KLHL24: variants seen among roughly 807,000 people sequenced by gnomAD.
KLHL24 encodes the protein kelch-like protein 24.
A neutral mutation model predicts 53.4 loss-of-function variants in KLHL24; 29 were observed. The ratio of observed to expected loss-of-function variants is 0.54; its 90% CI spans 0.40 to 0.74. The LOEUF (loss-of-function observed/expected upper bound fraction) is 0.74. Among genes scored for constraint, KLHL24 ranks in the 30% least tolerant of loss-of-function variants. The pLI, the probability that KLHL24 is intolerant of heterozygous loss-of-function variation, is 0.00. For synonymous variants in KLHL24, 222 were observed against 253.7 expected, an observed-to-expected ratio of 0.88 and a Z score of 1.19; for missense variants, 504 against 744.0, an observed-to-expected ratio of 0.68 and a Z score of 3.75.
At chr3:183,671,391 ACT>A (rs1249258038) in intron 6 of KLHL24, among the ~76,000 whole-genome samples, 169 bp downstream of exon 6, 1 of 152,048 alleles carries the variant, frequency 6.6e-6, no homozygotes, top group Non-Finnish European at 1.5e-5. Flanking sequence ...CTAAAGTGAG[ACT>A]CTAGTATATC....
At chr3:183,640,887 A>C (rs1357170057) in intron 1 of KLHL24, among the ~76,000 whole-genome samples, 1 of 151,180 alleles carries the variant, frequency 6.6e-6, no homozygotes. Flanking sequence ...GGCGTGAGCC[A>C]CCTCGGCCAG....
intron 3 of KLHL24, among the ~76,000 whole-genome samples, chr3:183,654,252 G>C (rs1718539813): frequency 6.6e-6 from 1 of 152,008 alleles, no homozygotes; most frequent in African/African-American, 2.4e-5. Context: ...TTCTCCAGTT[G>C]CTCTTTTTCA....
rs570312898 is a variant in KLHL24, at chr3:183,670,846, C to T, written c.1225-188C>T. On this transcript the variant is annotated intron_variant, in intron 5 of 7. Transcript: ENST00000242810. ...AGGAAGAAAATACCTAAAAAGGCTCCGTGGATTGTGATGGTGGTAGGGGAT... is the reference window on the plus strand; with the variant it reads ...AGGAAGAAAATACCTAAAAAGGCTCTGTGGATTGTGATGGTGGTAGGGGAT... Among the ~76,000 whole-genome samples the T allele has an allele frequency of 5.3e-5, 8 of 152,060 alleles. No homozygotes were observed. In the South Asian group the frequency reaches 1.0e-3, roughly 20 times the overall value.
chr3:183,651,322 A>G (rs750986575), intron 3 of KLHL24, 46 bp downstream of exon 3: 1 of 1,391,758 alleles, frequency 7.2e-7, no homozygotes, highest in Non-Finnish European at 1.0e-6. Flanking sequence ...TTTTTAATAT[A>G]TCTTTAAACC....
intron 5 of KLHL24, among the ~76,000 whole-genome samples, chr3:183,668,186 G>A (rs1720843399): frequency 6.6e-6 from 1 of 151,842 alleles, no homozygotes; most frequent in Admixed American, 6.6e-5. Flanking sequence ...ATTATATATA[G>A]TGTTTGAGGC....
At chr3:183,659,891 A>C (rs1166016654) in intron 3 of KLHL24, among the ~76,000 whole-genome samples, 1 of 152,178 alleles carries the variant, frequency 6.6e-6, no homozygotes. Context: ...CAGAAATGTG[A>C]TGACTGAAAA....
chr3:183,650,467 T>C lies in KLHL24; in HGVS notation c.111T>C (p.His37=), dbSNP rs753767361. The part of the protein sequence containing the change: ...FEMDPKSLTG[H]EFFDFSSGSS... ...TGGACCCCAAATCTCTGACAGGTCA[T>C]GAGTTTTTTGACTTCTCTTCAGGAT... is the stretch of plus-strand genomic sequence containing the variant. The change falls in exon 3 of 8, where the codon CAT becomes CAC. Residue 37 remains histidine, a synonymous_variant. Transcript: ENST00000242810. This position sits in a 1 kb window ranked among gnomAD's most constrained non-coding sequence, Gnocchi z 4.5. 4.1e-5 allele frequency: 66 copies of C among 1,614,020 alleles called. No individual in the cohort carries two copies. The highest frequency in any genetic ancestry group is 5.4e-5 in the Non-Finnish European group (64 of 1,179,988).
At position 183,680,335 on chromosome 3, in the gene KLHL24, GC is replaced by G. The variant is rs1712552140; in HGVS notation, c.*1052del. The G allele has an allele frequency of 6.6e-6, 1 of 152,130 alleles. No individual in the cohort carries two copies. Among genetic ancestry groups the G allele is most frequent in the Non-Finnish European group, 1.5e-5 (1 of 68,038 alleles). 9.4% of individuals were successfully genotyped at this position (152,130 alleles called of 1,614,324 possible). The stretch of plus-strand genomic sequence containing the variant: ...AAATAGGGATAGGTTTTCCTTCCTA[GC>G]CCAGTAGAGTTTGACCTCATTAGTA... On this transcript the variant is annotated 3_prime_UTR_variant, in exon 8 of 8. Coordinates refer to ENST00000242810, the MANE Select transcript of KLHL24 (RefSeq NM_017644.3).
Position 183,640,206 on chromosome 3 carries a change from A to G in KLHL24, c.-124-3274A>G, listed in dbSNP as rs114555091. ...CTAGTCAGAAGCATGAGTAGGCTCAATAGGGCAGCTTGGTATACCACGTGT... is the reference window on the plus strand; with the variant it reads ...CTAGTCAGAAGCATGAGTAGGCTCAGTAGGGCAGCTTGGTATACCACGTGT... On this transcript the variant is annotated intron_variant, in intron 1 of 7. Coordinates refer to ENST00000242810, the MANE Select transcript of KLHL24 (RefSeq NM_017644.3). Among the ~76,000 whole-genome samples, 1,313 of 152,342 alleles carry G rather than the reference A, an allele frequency of 8.6e-3. 18 individuals carry two copies. The highest frequency in any genetic ancestry group is 0.03 in the African/African-American group (1,251 of 41,582).
intron 3 of KLHL24, among the ~76,000 whole-genome samples, chr3:183,652,725 TATTA>T (rs1242725358): frequency 2.0e-5 from 3 of 152,236 alleles, no homozygotes; most frequent in Non-Finnish European, 4.4e-5. Flanking sequence ...TTGAATAATG[TATTA>T]ATTAAGAAAA....
intron 1 of KLHL24, among the ~76,000 whole-genome samples, chr3:183,639,062 G>A (rs1715859370): frequency 6.6e-6 from 1 of 151,826 alleles, no homozygotes. Flanking sequence ...TTAGCCGGGT[G>A]TGGCCGCAGG....
chr3:183,658,721 G>A (rs1719266957), intron 3 of KLHL24, among the ~76,000 whole-genome samples: 1 of 151,934 alleles, frequency 6.6e-6, no homozygotes, highest in Admixed American at 6.6e-5. Context: ...AATATAATTT[G>A]TTTACATTAG....
intron 7 of KLHL24, chr3:183,673,138 G>A (rs1420222816): frequency 6.6e-6 from 1 of 152,208 alleles, no homozygotes; most frequent in Non-Finnish European, 1.5e-5. Context: ...CTGGGAGGCA[G>A]AGGTTGCAGT....
chr3:183,658,212 C>CAAAAAA (rs35529680), intron 3 of KLHL24, among the ~76,000 whole-genome samples: 26 of 135,596 alleles, frequency 1.9e-4, no homozygotes, highest in African/African-American at 6.7e-4. Flanking sequence ...GACTCTGTCT[C>CAAAAAA]AAAAAAAAAA....
At chr3:183,649,157 T>A (rs1225910240) in intron 2 of KLHL24, among the ~76,000 whole-genome samples, 1 of 152,212 alleles carries the variant, frequency 6.6e-6, no homozygotes, top group Non-Finnish European at 1.5e-5. Flanking sequence ...GAAATTTTTT[T>A]AAATGAATAT....
At chr3:183,676,910 G>GTTTTTTTTT (rs57502556) in intron 7 of KLHL24, among the ~76,000 whole-genome samples, 1 of 139,518 alleles carries the variant, frequency 7.2e-6, no homozygotes, top group Non-Finnish European at 1.6e-5. Flanking sequence ...GGGTTTTTTG[G>GTTTTTTTTT]TTTTTTTTTT....
intron 1 of KLHL24, chr3:183,636,184 C>G (rs1039124636): frequency 6.6e-6 from 1 of 152,220 alleles, no homozygotes; most frequent in African/African-American, 2.4e-5. Context: ...TGCTTGTTGC[C>G]GATGGGCTGC....
At chr3:183,673,619 C>T (rs1385091042) in intron 7 of KLHL24, among the ~76,000 whole-genome samples, 1 of 152,128 alleles carries the variant, frequency 6.6e-6, no homozygotes, top group Non-Finnish European at 1.5e-5. Flanking sequence ...AAGGCCTTTT[C>T]CCCACCTTTT....
chr3:183,649,389 T>G (rs1224095338), intron 2 of KLHL24, among the ~76,000 whole-genome samples: 2 of 152,198 alleles, frequency 1.3e-5, no homozygotes. Context: ...AGCCAGAAGA[T>G]GTACTGTGGT....
Sources: gnomAD v4.1 joint callset for allele counts (sites outside exome capture counted in the v4.1 genomes callset) on GRCh38, gnomAD v4.1.1 for gene constraint, Gnocchi (gnomAD v3.1) non-coding constraint, MANE v1.5 for transcripts, NCBI Gene and HGNC (gene_info 2026-07-23, HGNC 2026-07-21) for gene names.